The following CACNA2D3 variants were observed in gnomAD, a reference collection of about 807,000 sequenced individuals.
CACNA2D3 encodes the protein calcium voltage-gated channel auxiliary subunit alpha2delta 3, also known as voltage-dependent calcium channel subunit alpha-2/delta-3.
CACNA2D3 carries 60 observed loss-of-function variants against 160.6 expected under a neutral mutation model. The observed-to-expected ratio is 0.37, with a 90% confidence interval of 0.30 to 0.46. The LOEUF (loss-of-function observed/expected upper bound fraction) is 0.46. CACNA2D3 is among the 20% of genes least tolerant of loss of function. The pLI is 1.00. For missense variants in CACNA2D3, 1,205 were observed against 1,365.0 expected, an observed-to-expected ratio of 0.88 and a Z score of 1.85; for synonymous variants, 558 against 492.9, an observed-to-expected ratio of 1.13 and a Z score of -1.75.
At chr3:54,340,886 C>T (rs1030188405) in intron 3 of CACNA2D3, among the ~76,000 whole-genome samples, 1 of 152,234 alleles carries the variant, frequency 6.6e-6, no homozygotes, top group East Asian at 1.9e-4. Flanking sequence ...GGTCCCCACA[C>T]TCCTCACCAC....
In CACNA2D3 at chr3:54,308,531, G is replaced by A. The variant is rs571049070; in HGVS notation, c.205-11911G>A. Among the ~76,000 whole-genome samples the A allele has an allele frequency of 4.1e-4, 62 of 152,292 alleles. 1 individual carries two copies. Among genetic ancestry groups the A allele is most frequent in the African/African-American group, 1.4e-3 (59 of 41,562 alleles). On this transcript the variant is annotated intron_variant, in intron 2 of 37. Transcript: ENST00000474759. Reference sequence around the variant, plus strand: ...TGGGTCCCTGAGTCACTATGTGGAAGGCTACCTGATGAAAAGAACTTCTTC... The same window carrying A: ...TGGGTCCCTGAGTCACTATGTGGAAAGCTACCTGATGAAAAGAACTTCTTC...
chr3:54,839,183 A>G (rs1478451260), intron 16 of CACNA2D3, among the ~76,000 whole-genome samples: 1 of 152,102 alleles, frequency 6.6e-6, no homozygotes, highest in East Asian at 1.9e-4. Flanking sequence ...GCGTGAACCT[A>G]GGAGGCGGAG....
At chr3:54,523,691 CGTT>C (rs1451119261) in intron 5 of CACNA2D3, among the ~76,000 whole-genome samples, 2 of 151,952 alleles carry the variant, frequency 1.3e-5, no homozygotes, top group Non-Finnish European at 1.5e-5. Flanking sequence ...TCCCTTTACT[CGTT>C]GTTTTCAGAT....
chr3:54,655,879 A>G (rs1249657528), intron 11 of CACNA2D3, among the ~76,000 whole-genome samples: 1 of 152,206 alleles, frequency 6.6e-6, no homozygotes, highest in Admixed American at 6.5e-5. Flanking sequence ...GGCTCAGACT[A>G]CCTGGGTGGG....
chr3:54,551,645 T>G (rs1702159672), intron 5 of CACNA2D3, among the ~76,000 whole-genome samples: 1 of 152,170 alleles, frequency 6.6e-6, no homozygotes, highest in Non-Finnish European at 1.5e-5. Flanking sequence ...GCAGTGGGAT[T>G]AATCTCTCTG....
chr3:54,129,891 G>A (rs1329121111), intron 2 of CACNA2D3, among the ~76,000 whole-genome samples: 1 of 152,232 alleles, frequency 6.6e-6, no homozygotes, highest in Non-Finnish European at 1.5e-5. Flanking sequence ...GCCAGATAAT[G>A]CTTGCTGATG....
intron 2 of CACNA2D3, among the ~76,000 whole-genome samples, chr3:54,270,645 T>TAGCACAAGGCTGAAATCAAGGTGTCAC (rs1431838382): frequency 7.9e-5 from 12 of 152,226 alleles, no homozygotes; most frequent in Admixed American, 1.3e-4. Flanking sequence ...TGATCATCAT[T>TAGCACAAGGCTGAAATCAAGGTGTCAC]AGCACAAGGC....
intron 11 of CACNA2D3, among the ~76,000 whole-genome samples, chr3:54,687,245 ATTC>A (rs1700481294): frequency 6.8e-6 from 1 of 146,322 alleles, no homozygotes; most frequent in Admixed American, 7.1e-5. Context: ...GGTTCAAGTG[ATTC>A]TTCTGCCTCA....
At chr3:55,057,975 T>G (rs1362677446) in intron 35 of CACNA2D3, among the ~76,000 whole-genome samples, 1 of 152,200 alleles carries the variant, frequency 6.6e-6, no homozygotes. Flanking sequence ...GATCAAAATT[T>G]TGACAAATCA....
intron 11 of CACNA2D3, among the ~76,000 whole-genome samples, chr3:54,646,790 G>T (rs1402527075): frequency 6.6e-6 from 1 of 152,138 alleles, no homozygotes; most frequent in East Asian, 1.9e-4. Context: ...GGATTGCTGG[G>T]TCAAATGGTA....
intron 4 of CACNA2D3, among the ~76,000 whole-genome samples, chr3:54,501,616 C>G (rs978758103): frequency 1.3e-5 from 2 of 149,050 alleles, no homozygotes; most frequent in Middle Eastern, 3.2e-3. Context: ...GACAGAGTTT[C>G]ACCATGTTGC....
At chr3:54,619,439 A>C (rs1282994814) in intron 9 of CACNA2D3, among the ~76,000 whole-genome samples, 3 of 152,220 alleles carry the variant, frequency 2.0e-5, no homozygotes, top group Non-Finnish European at 4.4e-5. Context: ...ATGAGGATGT[A>C]GCTAATCTGA....
At chr3:54,475,532 A>G (rs1207792828) in intron 4 of CACNA2D3, among the ~76,000 whole-genome samples, 3 of 152,144 alleles carry the variant, frequency 2.0e-5, no homozygotes, top group Admixed American at 6.6e-5. Context: ...GGGAGGTCTC[A>G]TCAGTTTCTT....
At chr3:54,998,065 T>C (rs1249063033) in intron 31 of CACNA2D3, among the ~76,000 whole-genome samples, 5 of 152,110 alleles carry the variant, frequency 3.3e-5, no homozygotes, top group African/African-American at 1.2e-4. Context: ...AGTTTCCCCT[T>C]ATATAAAATA....
At chr3:54,337,354 C>T (rs1377278981) in intron 3 of CACNA2D3, among the ~76,000 whole-genome samples, 1 of 152,164 alleles carries the variant, frequency 6.6e-6, no homozygotes, top group East Asian at 1.9e-4. Flanking sequence ...GCAGGTCCAG[C>T]GTCCCAGAGG....
chr3:54,480,962 T>G (rs1700923178), intron 4 of CACNA2D3, among the ~76,000 whole-genome samples: 1 of 152,196 alleles, frequency 6.6e-6, no homozygotes, highest in African/African-American at 2.4e-5. Flanking sequence ...CTGAGGTTAT[T>G]CCTCTCTATA....
chr3:54,447,770 T>C (rs1700245343), intron 4 of CACNA2D3, among the ~76,000 whole-genome samples: 1 of 152,230 alleles, frequency 6.6e-6, no homozygotes, highest in Non-Finnish European at 1.5e-5. Flanking sequence ...AGGATTAGTC[T>C]TGTCTTGACG....
At chr3:54,598,528 G>A (rs1010991524) in intron 9 of CACNA2D3, among the ~76,000 whole-genome samples, 2 of 151,978 alleles carry the variant, frequency 1.3e-5, no homozygotes, top group Admixed American at 1.3e-4. Context: ...CATCCCAGAT[G>A]GTTCGAATAC....
intron 27 of CACNA2D3, among the ~76,000 whole-genome samples, chr3:54,933,419 G>C (rs1701254596): frequency 6.6e-6 from 1 of 152,156 alleles, no homozygotes; most frequent in South Asian, 2.1e-4. Context: ...TTTTGGCTGT[G>C]ACCTCTTCTT....
Sources: gnomAD v4.1 joint callset for allele counts (sites outside exome capture counted in the v4.1 genomes callset) on GRCh38, gnomAD v4.1.1 for gene constraint, MANE v1.5 for transcripts, NCBI Gene and HGNC (gene_info 2026-07-23, HGNC 2026-07-21) for gene names.